Variants in INSL5 observed in about 807,000 individuals in gnomAD.
The protein encoded by INSL5 is insulin like 5, also known as insulin-like peptide INSL5.
INSL5 carries 3 observed loss-of-function variants against 4.3 expected under a neutral mutation model. That is an observed-to-expected ratio of 0.70 (90% CI 0.32 to 1.82). INSL5 has a LOEUF of 1.82. INSL5 is among the 40% of genes most tolerant of loss of function. INSL5 has a pLI of 0.08. For missense variants in INSL5, 168 were observed against 160.9 expected (o/e 1.04, Z -0.24); for synonymous variants, 68 against 56.6 (o/e 1.20, Z -0.90).
chr1:66,798,437 C>G (rs1402087681), intron 1 of INSL5, among the ~76,000 whole-genome samples, 192 bp from the exon 2 acceptor site: 2 of 152,096 alleles, frequency 1.3e-5, no homozygotes, highest in Non-Finnish European at 2.9e-5. Context: ...CTCCACTGTC[C>G]TCATTTTACA....
chr1:66,798,522 A>G (rs989803507), intron 1 of INSL5, among the ~76,000 whole-genome samples: 4 of 151,958 alleles, frequency 2.6e-5, no homozygotes, highest in Non-Finnish European at 5.9e-5. Flanking sequence ...GACTTCTTTT[A>G]CTCGCTACCT....
At position 66,798,246 on chromosome 1, in the gene INSL5, C is replaced by T. The variant is rs745608752; in HGVS notation, c.176-1G>A. 5.0e-6 allele frequency: 8 copies of T among 1,611,202 alleles called. No individual in the cohort carries two copies. Among genetic ancestry groups the T allele is most frequent in the Non-Finnish European group, 6.8e-6 (8 of 1,177,496 alleles). On this transcript the variant is annotated splice_acceptor_variant, in intron 1 of 1. Transcript: ENST00000304526. LOFTEE classifies it high-confidence loss of function. ...AGCTGGAAGGAGTTTCCTGTCTCAG[C>T]TGTATGGAAGAGAAAAAAATAATAC...
chr1:66,797,994 T>A lies in INSL5; in HGVS notation c.*19A>T, dbSNP rs375558397. On this transcript the variant is annotated 3_prime_UTR_variant, in exon 2 of 2. Coordinates refer to ENST00000304526, the MANE Select transcript of INSL5 (RefSeq NM_005478.6). ...ACATGTGATAAAGCTCTGCCACCCA[T>A]TGGGTATTTGCTCTTGTCTTAGCAA... 2.0e-6 allele frequency: 3 copies of A among 1,506,336 alleles called. No individual in the cohort carries two copies. Among genetic ancestry groups the A allele is most frequent in the Non-Finnish European group, 2.8e-6 (3 of 1,082,234 alleles). 93.3% of individuals were successfully genotyped at this position (1,506,336 alleles called of 1,614,324 possible). A position where few individuals can be genotyped will look rare whatever the true frequency, so the allele number is the denominator to read the frequency against.
chr1:66,800,758 C>T (rs1334182924), intron 1 of INSL5, among the ~76,000 whole-genome samples: 1 of 152,148 alleles, frequency 6.6e-6, no homozygotes, highest in Non-Finnish European at 1.5e-5. Flanking sequence ...TCGCCATAGC[C>T]TCCAAAGTAC....
In INSL5 at chr1:66,801,270, A is replaced by G. The variant is rs1175706601; in HGVS notation, c.-49T>C. 1 of 1,434,916 alleles carries G rather than the reference A, an allele frequency of 7.0e-7. No individual in the cohort carries two copies. The highest frequency in any genetic ancestry group is 1.4e-5 in the African/African-American group (1 of 71,324). The allele number at this position is 1,434,916 out of a possible 1,614,324, so 88.9% of individuals were successfully genotyped here. The stretch of plus-strand genomic sequence containing the variant: ...CTGATATGGTAAATATAGTCAAATC[A>G]AATTCTGGAGTGACTGTCACTCTCT... On this transcript the variant is annotated 5_prime_UTR_variant, in exon 1 of 2. Transcript: ENST00000304526.
intron 1 of INSL5, among the ~76,000 whole-genome samples, chr1:66,800,275 T>C (rs978358450): frequency 6.6e-6 from 1 of 152,128 alleles, no homozygotes; most frequent in African/African-American, 2.4e-5. Flanking sequence ...ATTCCCACCC[T>C]GCTTCCCCAC....
chr1:66,801,107 A>G lies in INSL5; in HGVS notation c.115T>C (p.Tyr39His), dbSNP rs1418435543. Residue 39 changes from tyrosine (Y) to histidine (H), a missense_variant, in exon 1 of 2, where the codon TAT becomes CAT. Tyr to His is a moderately conservative substitution (Grantham distance 83). Transcript: ENST00000304526. Reference sequence around the variant, plus strand: ...CTCCACCTGGAGCTAGCACAGATATAGATGACTGTCCGTATGTATTCTAGC... The same window carrying G: ...CTCCACCTGGAGCTAGCACAGATATGGATGACTGTCCGTATGTATTCTAGC... ...CGLEYIRTVIYICASSRWRRH... is the reference protein window; with the variant it reads ...CGLEYIRTVIHICASSRWRRH... 6.2e-7 allele frequency: 1 copy of G among 1,613,848 alleles called. No individual in the cohort carries two copies. The highest frequency in any genetic ancestry group is 8.5e-7 in the Non-Finnish European group (1 of 1,179,690).
intron 1 of INSL5, among the ~76,000 whole-genome samples, chr1:66,799,852 C>A (rs1321877461): frequency 1.3e-5 from 2 of 152,020 alleles, no homozygotes; most frequent in South Asian, 4.2e-4. Flanking sequence ...AGTTTGAGAC[C>A]AGCCTGGGCA....
At chr1:66,800,241 G>A (rs1223046622) in intron 1 of INSL5, among the ~76,000 whole-genome samples, 1 of 151,996 alleles carries the variant, frequency 6.6e-6, no homozygotes, top group Admixed American at 6.6e-5. Flanking sequence ...TCAAAATCCT[G>A]ATCAGACAAT....
At chr1:66,799,450 T>C (rs1572563019) in intron 1 of INSL5, among the ~76,000 whole-genome samples, 1 of 151,434 alleles carries the variant, frequency 6.6e-6, no homozygotes, top group Admixed American at 6.6e-5. Context: ...AGGGTGAGGG[T>C]GAGGGGGATG....
intron 1 of INSL5, among the ~76,000 whole-genome samples, chr1:66,799,179 C>A (rs1645359149): frequency 6.6e-6 from 1 of 152,138 alleles, no homozygotes; most frequent in Admixed American, 6.5e-5. Flanking sequence ...CAGTTTAGGT[C>A]ATTTTCTAAA....
chr1:66,798,881 T>C (rs910309495), intron 1 of INSL5, among the ~76,000 whole-genome samples: 12 of 152,142 alleles, frequency 7.9e-5, no homozygotes, highest in African/African-American at 2.4e-4. Flanking sequence ...CTGAGAAAGA[T>C]TGAATAATAA....
rs140992561 is a variant in INSL5, at chr1:66,798,209, C to T, written c.212G>A (p.Arg71His). 230 of 1,614,062 alleles carry T rather than the reference C, an allele frequency of 1.4e-4. No homozygotes were observed. Among genetic ancestry groups the T allele is most frequent in the East Asian group, 1.3e-3 (59 of 44,878 alleles). The stretch of plus-strand genomic sequence containing the variant: ...CGCTGGATTTTCCTCAGAAAACTCA[C>T]GTTTATGTGGGAGCTGGAAGGAGTT... ...TGNSFQLPHKREFSEENPAQN... is the reference protein window; with the variant it reads ...TGNSFQLPHKHEFSEENPAQN... Residue 71 changes from arginine (R) to histidine (H), a missense_variant, in exon 2 of 2, where the codon CGT (arginine) becomes CAT (histidine). Coordinates refer to ENST00000304526, the MANE Select transcript of INSL5 (RefSeq NM_005478.6).
Position 66,798,147 on chromosome 1 carries a change from G to T in INSL5, c.274C>A (p.Arg92Ser), listed in dbSNP as rs566423740. The change falls in exon 2 of 2, where the codon CGT (arginine) becomes AGT (serine). Residue 92 changes from arginine (R) to serine (S), a missense_variant. Transcript: ENST00000304526. ...LPKVDASGED[R>S]LWGGQMPTEE... ...GTGGGCATCTGTCCACCCCAAAGAC[G>T]GTCTTCCCCTGAGGCATCCACCTTC... 6.2e-7 allele frequency: 1 copy of T among 1,614,044 alleles called. No homozygotes were observed. The highest frequency in any genetic ancestry group is 1.3e-5 in the African/African-American group (1 of 75,028).
In INSL5 at chr1:66,801,184, A is replaced by G. The variant is rs972884689; in HGVS notation, c.38T>C (p.Val13Ala). The G allele has an allele frequency of 6.2e-7, 1 of 1,613,646 alleles. No individual in the cohort carries two copies. Among genetic ancestry groups the G allele is most frequent in the Non-Finnish European group, 8.5e-7 (1 of 1,179,576 alleles). Residue 13 changes from valine to alanine, a missense_variant, in exon 1 of 2, where the codon GTC becomes GCC. Transcript: ENST00000304526. ...GSIFTLFLFS[V>A]LFAISEVRSK... ...CCGCACTTCTGAGATGGCAAATAGG[A>G]CAGAGAATAAAAACAGAGTGAAAAT...
At chr1:66,798,706 T>C (rs1407060137) in intron 1 of INSL5, among the ~76,000 whole-genome samples, 1 of 152,254 alleles carries the variant, frequency 6.6e-6, no homozygotes, top group African/African-American at 2.4e-5. Flanking sequence ...GCCTAAGTGT[T>C]GTTTCCAAAG....
In INSL5 at chr1:66,798,143, A is replaced by T; in HGVS notation, c.278T>A (p.Leu93His). Residue 93 changes from leucine (L) to histidine (H), a missense_variant, in exon 2 of 2, where the codon CTT becomes CAT. By Grantham distance (99) the Leu-to-His change is moderately conservative (BLOSUM62 -3). Transcript: ENST00000304526. ...TTCAGTGGGCATCTGTCCACCCCAA[A>T]GACGGTCTTCCCCTGAGGCATCCAC... The part of the protein sequence containing the change: ...PKVDASGEDR[L>H]WGGQMPTEEL... 6.2e-7 allele frequency: 1 copy of T among 1,614,164 alleles called. No homozygotes were observed. The highest frequency in any genetic ancestry group is 8.5e-7 in the Non-Finnish European group (1 of 1,180,022).
intron 1 of INSL5, among the ~76,000 whole-genome samples, chr1:66,800,534 G>T (rs1169597654): frequency 3.3e-5 from 5 of 152,056 alleles, no homozygotes; most frequent in African/African-American, 1.2e-4. Flanking sequence ...AATGATAAAT[G>T]GTGGTAATTT....
rs747335323 is a variant in INSL5, at chr1:66,797,997, G to T, written c.*16C>A. 6.5e-7 allele frequency: 1 copy of T among 1,533,728 alleles called. No individual in the cohort carries two copies. On this transcript the variant is annotated 3_prime_UTR_variant, in exon 2 of 2. Coordinates refer to ENST00000304526, the MANE Select transcript of INSL5 (RefSeq NM_005478.6). ...TGTGATAAAGCTCTGCCACCCATTG[G>T]GTATTTGCTCTTGTCTTAGCAAAGA...
Sources: allele counts gnomAD v4.1 joint callset (sites outside exome capture counted in the v4.1 genomes callset), GRCh38; gene constraint gnomAD v4.1.1; transcripts MANE v1.5; gene names NCBI Gene and HGNC (gene_info 2026-07-23, HGNC 2026-07-21).